REPS2: variants seen among roughly 807,000 people sequenced by gnomAD.
REPS2 encodes the protein RALBP1 associated Eps domain containing 2, also known as ralBP1-associated Eps domain-containing protein 2.
In REPS2, 23 loss-of-function variants were observed where a neutral mutation model predicts 53.6. The ratio of observed to expected loss-of-function variants is 0.43; its 90% CI spans 0.31 to 0.61. The LOEUF (loss-of-function observed/expected upper bound fraction) is 0.61, where lower values mean the gene tolerates loss of function less well. Ranked by LOEUF, REPS2 falls within the 20% of genes least tolerant of loss-of-function variation. The pLI is 0.11. For synonymous variants in REPS2, 238 were observed against 218.6 expected, an observed-to-expected ratio of 1.09 and a Z score of -0.78; for missense variants, 446 against 534.9, an observed-to-expected ratio of 0.83 and a Z score of 1.64.
At chrX:16,984,244 C>T (rs1362062630) in intron 1 of REPS2, among the ~76,000 whole-genome samples, 2 of 112,171 alleles carry the variant, frequency 1.8e-5, no homozygotes, top group Non-Finnish European at 3.8e-5. Context: ...GGTGCACTCA[C>T]AGGGCTGTTG....
At chrX:17,183,280 A>G in the REPS2 span, among the ~76,000 whole-genome samples, 1 of 112,542 alleles carries the variant, frequency 8.9e-6, no homozygotes, top group African/African-American at 3.2e-5. Flanking sequence ...GGAAAACTTC[A>G]TATGCCTATT....
chrX:17,182,836 C>G, the REPS2 span, among the ~76,000 whole-genome samples: 1 of 111,352 alleles, frequency 9.0e-6, no homozygotes, highest in African/African-American at 3.3e-5. Flanking sequence ...TCATCACACA[C>G]CACCATATGG....
intron 13 of REPS2, among the ~76,000 whole-genome samples, chrX:17,098,807 A>G (rs2062742680): frequency 9.0e-6 from 1 of 111,469 alleles, no homozygotes; most frequent in Admixed American, 9.5e-5. Context: ...AGTTGTCCCA[A>G]CTAAGAGCAT....
At chrX:17,183,406 A>G in the REPS2 span, among the ~76,000 whole-genome samples, 4 of 112,459 alleles carry the variant, frequency 3.6e-5, no homozygotes, top group Admixed American at 9.4e-5. Context: ...AATTAAACCA[A>G]AAAAACTCCT....
At chrX:17,066,731 G>C (rs774255553) in intron 9 of REPS2, among the ~76,000 whole-genome samples, 2 of 111,968 alleles carry the variant, frequency 1.8e-5, no homozygotes, top group South Asian at 7.4e-4. Flanking sequence ...AAATTAGCCG[G>C]GCGTGGTGGC....
chrX:16,970,089 A>G (rs2060866077), intron 1 of REPS2, among the ~76,000 whole-genome samples: 1 of 112,180 alleles, frequency 8.9e-6, no homozygotes, highest in South Asian at 3.6e-4. Flanking sequence ...TACATCTTCT[A>G]CATTCATCAG....
At chrX:17,073,013 A>C (rs1232122865) in intron 11 of REPS2, among the ~76,000 whole-genome samples, 1 of 101,959 alleles carries the variant, frequency 9.8e-6, no homozygotes, top group Non-Finnish European at 2.1e-5. Context: ...GGAGAAGTGT[A>C]TCTCTTGTGC....
chrX:17,040,934 A>G (rs2061822214), intron 5 of REPS2, among the ~76,000 whole-genome samples: 1 of 112,270 alleles, frequency 8.9e-6, no homozygotes, highest in Non-Finnish European at 1.9e-5. Context: ...TGTGAAGGGC[A>G]GATCTTCCTT....
intron 1 of REPS2, among the ~76,000 whole-genome samples, chrX:16,957,137 T>C (rs959999331): frequency 8.9e-6 from 1 of 112,196 alleles, no homozygotes; most frequent in Non-Finnish European, 1.9e-5. Context: ...TGGCCAAGTG[T>C]GGTGGCTCAT....
At chrX:17,099,881 G>A (rs2062761965) in intron 13 of REPS2, 1 of 777,170 alleles carries the variant, frequency 1.3e-6, no homozygotes, top group South Asian at 2.1e-5. Context: ...CCTTGGCAGG[G>A]ACGAGGTCAG....
At chrX:16,967,982 T>C (rs989478230) in intron 1 of REPS2, among the ~76,000 whole-genome samples, 67 of 110,665 alleles carry the variant, frequency 6.1e-4, no homozygotes, top group Non-Finnish European at 1.1e-3. Flanking sequence ...GGCAGAGGAC[T>C]CTGCGGCCTT....
the REPS2 span, among the ~76,000 whole-genome samples, chrX:17,179,338 A>G: frequency 9.0e-6 from 1 of 111,541 alleles, no homozygotes; most frequent in South Asian, 3.8e-4. Flanking sequence ...TACAACTTCT[A>G]CTAGATTCTT....
At chrX:16,965,358 G>A (rs1448311979) in intron 1 of REPS2, among the ~76,000 whole-genome samples, 4 of 111,067 alleles carry the variant, frequency 3.6e-5, no homozygotes, top group African/African-American at 9.9e-5. Flanking sequence ...CTGGCCGGGC[G>A]GGGGGCTGAC....
intron 13 of REPS2, among the ~76,000 whole-genome samples, chrX:17,081,990 C>G (rs2062462855): frequency 8.9e-6 from 1 of 112,074 alleles, no homozygotes; most frequent in Non-Finnish European, 1.9e-5. Context: ...TGGTACCTAA[C>G]CTCCTTTTCC....
At chrX:17,190,247 C>G in the REPS2 span, among the ~76,000 whole-genome samples, 1 of 112,156 alleles carries the variant, frequency 8.9e-6, no homozygotes, top group Non-Finnish European at 1.9e-5. Flanking sequence ...CCTAAAGAAT[C>G]TACAAGAAAA....
At chrX:17,119,138 C>T (rs1032079338) in intron 14 of REPS2, among the ~76,000 whole-genome samples, 3 of 111,856 alleles carry the variant, frequency 2.7e-5, no homozygotes, top group African/African-American at 9.7e-5. Flanking sequence ...GTAAACAAGG[C>T]ACAGAGAACC....
chrX:17,084,453 A>G (rs1239273325), intron 13 of REPS2, among the ~76,000 whole-genome samples: 1 of 111,153 alleles, frequency 9.0e-6, no homozygotes, highest in African/African-American at 3.4e-5. Flanking sequence ...AACTAACTCT[A>G]TGTTGAACAT....
chrX:16,971,129 T>G (rs1411835804), intron 1 of REPS2, among the ~76,000 whole-genome samples: 1 of 112,430 alleles, frequency 8.9e-6, no homozygotes, highest in Non-Finnish European at 1.9e-5. Context: ...AGGGTTCCAG[T>G]TTCCCCACAT....
intron 1 of REPS2, among the ~76,000 whole-genome samples, chrX:16,967,581 T>C (rs1296339557): frequency 9.0e-6 from 1 of 110,620 alleles, no homozygotes; most frequent in Non-Finnish European, 1.9e-5. Context: ...GGAGGATTGC[T>C]TGAGCCTGGG....
Sources: gnomAD v4.1 joint callset for allele counts (sites outside exome capture counted in the v4.1 genomes callset) on GRCh38, gnomAD v4.1.1 for gene constraint, MANE v1.5 for transcripts, NCBI Gene and HGNC (gene_info 2026-07-23, HGNC 2026-07-21) for gene names.